Variants in NARF observed in about 807,000 individuals in gnomAD.
NARF encodes the protein iron-only hydrogenase-like protein 2.
In NARF, 41 loss-of-function variants were observed where a neutral mutation model predicts 48.0. The observed-to-expected ratio is 0.85, with a 90% CI of 0.66 to 1.11. The LOEUF (loss-of-function observed/expected upper bound fraction) is 1.11, where lower values mean the gene tolerates loss of function less well. Among genes scored for constraint, NARF ranks in the 50% least tolerant of loss-of-function variants. NARF has a pLI of 0.00. For missense variants in NARF, 613 were observed against 590.2 expected (o/e 1.04, Z -0.40); for synonymous variants, 215 against 225.5 (o/e 0.95, Z 0.42).
At chr17:82,459,905 A>C in intron 1 of NARF, 87 bp from the exon 2 acceptor site, 1 of 966,576 alleles carries the variant, frequency 1.0e-6, no homozygotes, top group Admixed American at 2.2e-5. Context: ...GGATAGAAAT[A>C]CATGAGCTTC....
rs1184139860 is a variant in NARF, at chr17:82,458,775, C to T, written c.-29C>T. 11 of 1,462,704 alleles carry T rather than the reference C, an allele frequency of 7.5e-6. No individual in the cohort carries two copies. The highest frequency in any genetic ancestry group is 2.0e-4 in the Middle Eastern group (1 of 5,036). 90.6% of individuals were successfully genotyped at this position (1,462,704 alleles called of 1,614,324 possible). A position where few individuals can be genotyped will look rare whatever the true frequency, so the allele number is the denominator to read the frequency against. ...TCCCGGTGCTTCCCTGAGGCTGAGG[C>T]GCCCGGCCTCCCGCCCGCCGCGCTC... On this transcript the variant is annotated 5_prime_UTR_variant, in exon 1 of 11. Transcript: ENST00000309794.
At position 82,478,854 on chromosome 17, in the gene NARF, G is replaced by A; in HGVS notation, c.575G>A (p.Cys192Tyr). ...GGTCGCCCCATCACTGCCCACCTCT[G>A]CACCGCCAAGTCCCCCCAGCAGGTC... is the stretch of plus-strand genomic sequence containing the variant. ...VLGRPITAHL[C>Y]TAKSPQQVMG... Residue 192 changes from cysteine (C) to tyrosine (Y), a missense_variant, in exon 6 of 11, where the codon TGC becomes TAC. Physicochemically the swap from Cys to Tyr is radical, Grantham distance 194 (BLOSUM62 -2). Coordinates refer to ENST00000309794, the MANE Select transcript of NARF (RefSeq NM_012336.4). The A allele has an allele frequency of 6.2e-7, 1 of 1,613,978 alleles. No individual in the cohort carries two copies. Among genetic ancestry groups the A allele is most frequent in the Non-Finnish European group, 8.5e-7 (1 of 1,179,970 alleles).
At chr17:82,464,984 G>A (rs2043530090) in intron 3 of NARF, among the ~76,000 whole-genome samples, 1 of 152,198 alleles carries the variant, frequency 6.6e-6, no homozygotes, top group Non-Finnish European at 1.5e-5. Context: ...AGAACTACGT[G>A]ACACTGGCTA....
intron 10 of NARF, 126 bp from the exon 11 acceptor site, chr17:82,487,790 A>ACCC: frequency 1.6e-6 from 1 of 613,872 alleles, no homozygotes; most frequent in Non-Finnish European, 2.7e-6. Context: ...CTCCCGCCCA[A>ACCC]TCTCTACAAA....
At chr17:82,474,403 T>A (rs1288742670) in intron 5 of NARF, among the ~76,000 whole-genome samples, 1 of 152,076 alleles carries the variant, frequency 6.6e-6, no homozygotes, top group Non-Finnish European at 1.5e-5. Context: ...TGTCACATGC[T>A]TTTCAATTCT....
intron 5 of NARF, chr17:82,478,467 G>T: frequency 2.5e-6 from 1 of 405,004 alleles, no homozygotes; most frequent in Non-Finnish European, 5.0e-6. Context: ...GATTTTGCAC[G>T]GTGCAGCCTG....
rs768303430 is a variant in NARF, at chr17:82,487,979, G to A, written c.1193G>A (p.Arg398Gln). The A allele has an allele frequency of 6.2e-6, 10 of 1,614,196 alleles. No homozygotes were observed. The highest frequency in any genetic ancestry group is 2.7e-5 in the African/African-American group (2 of 75,058). ...PDGHADKALL[R>Q]QMEGIYADIP... The stretch of plus-strand genomic sequence containing the variant: ...GGACATGCGGATAAGGCCCTGCTGC[G>A]GCAGATGGAAGGCATTTACGCTGAC... The change falls in exon 11 of 11, where the codon CGG (arginine) becomes CAG (glutamine). Residue 398 changes from arginine to glutamine, a missense_variant. By Grantham distance (43) the Arg-to-Gln change is conservative. Coordinates refer to ENST00000309794, the MANE Select transcript of NARF (RefSeq NM_012336.4).
rs150439849 is a variant in NARF, at chr17:82,481,858, G to A, written c.769+647G>A. On this transcript the variant is annotated intron_variant, in intron 7 of 10. Transcript: ENST00000309794. ...TGGGAAAGTTGTCTATAGCCATAGCGGGTCTCCTAATCACAAACCAAGTCT... is the reference window on the plus strand; with the variant it reads ...TGGGAAAGTTGTCTATAGCCATAGCAGGTCTCCTAATCACAAACCAAGTCT... 3.3e-3 allele frequency: 1,182 copies of A among 359,790 alleles called. 6 individuals carry two copies. Among genetic ancestry groups the A allele is most frequent in the Middle Eastern group, 7.6e-3 (20 of 2,642 alleles). 22.3% of individuals were successfully genotyped at this position (359,790 alleles called of 1,614,324 possible).
intron 6 of NARF, 66 bp from the exon 7 acceptor site, chr17:82,481,016 G>C (rs111252777): frequency 6.2e-7 from 1 of 1,605,054 alleles, no homozygotes; most frequent in African/African-American, 1.3e-5. Flanking sequence ...CTCTTGTTCT[G>C]GGCACCAAGC....
At chr17:82,460,747 G>C (rs2043417100) in intron 2 of NARF, 1 of 152,314 alleles carries the variant, frequency 6.6e-6, no homozygotes, top group South Asian at 2.1e-4. Context: ...CTGGGCAACA[G>C]AGTAAGACTC....
rs1045518585 is a variant in NARF, at chr17:82,481,075, C to T, written c.640-7C>T. On this transcript the variant is annotated splice_region_variant and splice_polypyrimidine_tract_variant and intron_variant, in intron 6 of 10. Transcript: ENST00000309794. ...CAGCCCTAAATATGGGTGCCCCTCTCCCACAGAACCTGTCTCCAGAGAAGA... is the reference window on the plus strand; with the variant it reads ...CAGCCCTAAATATGGGTGCCCCTCTTCCACAGAACCTGTCTCCAGAGAAGA... The T allele has an allele frequency of 1.9e-6, 3 of 1,613,974 alleles. No individual in the cohort carries two copies. The highest frequency in any genetic ancestry group is 2.5e-6 in the Non-Finnish European group (3 of 1,180,010).
intron 4 of NARF, among the ~76,000 whole-genome samples, chr17:82,472,336 T>C (rs1176090955): frequency 6.6e-6 from 1 of 151,910 alleles, no homozygotes; most frequent in Non-Finnish European, 1.5e-5. Context: ...ATACAAAAAT[T>C]GGCCAGGCAT....
At chr17:82,465,339 GAGGCTGAA>G (rs2043539747) in intron 3 of NARF, among the ~76,000 whole-genome samples, 1 of 152,170 alleles carries the variant, frequency 6.6e-6, no homozygotes, top group East Asian at 1.9e-4. Context: ...AAAGGCAGAT[GAGGCTGAA>G]AAGCACTTCT....
chr17:82,479,019 GC>G (rs1369004258), intron 6 of NARF, 101 bp downstream of exon 6: 7 of 1,107,994 alleles, frequency 6.3e-6, no homozygotes, highest in Non-Finnish European at 9.0e-6. Flanking sequence ...CGTGGTCACG[GC>G]CCCCCAGGTG....
chr17:82,488,298 C>CTCAATGGATTACTTTGGT lies in NARF; in HGVS notation c.*142_*143insCAATGGATTACTTTGGTT. 1.5e-6 allele frequency: 2 copies of CTCAATGGATTACTTTGGT among 1,336,538 alleles called. No individual in the cohort carries two copies. The highest frequency in any genetic ancestry group is 2.0e-6 in the Non-Finnish European group (2 of 1,006,730). The allele number at this position is 1,336,538 out of a possible 1,614,324, so 82.8% of individuals were successfully genotyped here. ...TACTTTGGTTTCTCCGAGTTCCCTG[C>CTCAATGGATTACTTTGGT]TACCCCGTTTATTGGAGGCCCCTCA... On this transcript the variant is annotated 3_prime_UTR_variant, in exon 11 of 11. Coordinates refer to ENST00000309794, the MANE Select transcript of NARF (RefSeq NM_012336.4).
chr17:82,466,514 G>A (rs922469558), intron 3 of NARF, among the ~76,000 whole-genome samples: 3 of 151,844 alleles, frequency 2.0e-5, no homozygotes, highest in Non-Finnish European at 4.4e-5. Context: ...GTGCAGTGTC[G>A]TGATCTCAGC....
At chr17:82,460,162 T>G (rs773192207) in intron 2 of NARF, 90 bp downstream of exon 2, 1 of 1,148,826 alleles carries the variant, frequency 8.7e-7, no homozygotes. Flanking sequence ...TGCACATCAC[T>G]GCTTTAAAGA....
chr17:82,458,987 C>G (rs1484672876), intron 1 of NARF, 157 bp downstream of exon 1: 1 of 1,213,568 alleles, frequency 8.2e-7, no homozygotes, highest in East Asian at 3.3e-5. Flanking sequence ...GTGGAGGCGG[C>G]CGGCGCGGGG....
intron 2 of NARF, chr17:82,460,513 C>A (rs1173568173): frequency 6.5e-6 from 1 of 153,422 alleles, no homozygotes; most frequent in Non-Finnish European, 1.5e-5. Flanking sequence ...GCCTGTAATC[C>A]CAGAACTTTG....
Sources: gnomAD v4.1 joint callset for allele counts (sites outside exome capture counted in the v4.1 genomes callset) on GRCh38, gnomAD v4.1.1 for gene constraint, MANE v1.5 for transcripts, NCBI Gene and HGNC (gene_info 2026-07-23, HGNC 2026-07-21) for gene names.